CD36: variants seen among roughly 807,000 people sequenced by gnomAD.
CD36 encodes CD36 molecule (CD36 blood group), also known as platelet glycoprotein 4.
A neutral mutation model predicts 55.2 loss-of-function variants in CD36; 119 were observed. The ratio of observed to expected loss-of-function variants is 2.15; its 90% CI spans 1.86 to 2.51. CD36 has a LOEUF of 2.51. Among genes scored for constraint, CD36 ranks in the 30% most tolerant of loss-of-function variants. The pLI is 0.00. For synonymous variants in CD36, 186 were observed against 193.6 expected, an observed-to-expected ratio of 0.96 and a Z score of 0.33; for missense variants, 819 against 555.5, an observed-to-expected ratio of 1.47 and a Z score of -4.77.
chr7:80,656,074 T>C (rs1044686955), intron 3 of CD36, among the ~76,000 whole-genome samples: 5 of 152,136 alleles, frequency 3.3e-5, no homozygotes, highest in African/African-American at 1.2e-4. Flanking sequence ...AGTGTCCAAC[T>C]CTTGAAGGAA....
intron 3 of CD36, among the ~76,000 whole-genome samples, chr7:80,650,746 T>A (rs377687792): frequency 6.6e-6 from 1 of 152,104 alleles, no homozygotes; most frequent in African/African-American, 2.4e-5. Flanking sequence ...TCATTACCAT[T>A]TGAAGTAGTC....
At chr7:80,657,490 T>C (rs563238191) in intron 4 of CD36, among the ~76,000 whole-genome samples, 1 of 152,258 alleles carries the variant, frequency 6.6e-6, no homozygotes, top group South Asian at 2.1e-4. Flanking sequence ...AATCTTAGAG[T>C]ATTAGAACTA....
chr7:80,609,795 G>C (rs1348679695), intron 1 of CD36, among the ~76,000 whole-genome samples: 2 of 152,154 alleles, frequency 1.3e-5, no homozygotes, highest in Non-Finnish European at 2.9e-5. Context: ...ACATAATACA[G>C]TATTAGAGTC....
chr7:80,621,053 G>A (rs1229733634), intron 1 of CD36, among the ~76,000 whole-genome samples: 1 of 152,142 alleles, frequency 6.6e-6, no homozygotes, highest in East Asian at 1.9e-4. Context: ...AACTGCCACA[G>A]CAACCCTGAC....
intron 3 of CD36, among the ~76,000 whole-genome samples, chr7:80,648,130 T>C (rs1795310185): frequency 6.6e-6 from 1 of 152,046 alleles, no homozygotes. Flanking sequence ...ATTCTTAGTT[T>C]TCTTGATAGT....
At chr7:80,652,313 C>T (rs1177187592) in intron 3 of CD36, among the ~76,000 whole-genome samples, 1 of 152,030 alleles carries the variant, frequency 6.6e-6, no homozygotes, top group African/African-American at 2.4e-5. Flanking sequence ...CTTTTCATAC[C>T]ATTTTAGGTA....
chr7:80,656,650 G>C lies in CD36; in HGVS notation c.231G>C (p.Met77Ile). The C allele has an allele frequency of 6.2e-7, 1 of 1,613,814 alleles. No individual in the cohort carries two copies. ...IFDVQNPQEV[M>I]MNSSNIQVKQ... ...ATGTGCAAAATCCACAGGAAGTGAT[G>C]ATGAACAGCAGCAACATTCAAGTTA... is the stretch of plus-strand genomic sequence containing the variant. Residue 77 changes from methionine (M) to isoleucine (I), a missense_variant, in exon 4 of 15, where the codon ATG becomes ATC. Transcript: ENST00000447544.
intron 1 of CD36, among the ~76,000 whole-genome samples, chr7:80,624,529 T>C (rs564049535): frequency 1.8e-4 from 28 of 152,258 alleles, no homozygotes; most frequent in African/African-American, 6.7e-4. Context: ...ATCTAAGTGC[T>C]CCAATATACA....
At position 80,664,456 on chromosome 7, in the gene CD36, C is replaced by G; in HGVS notation, c.660C>G (p.Asn220Lys). 1 of 1,582,932 alleles carries G rather than the reference C, an allele frequency of 6.3e-7. No individual in the cohort carries two copies. The highest frequency in any genetic ancestry group is 8.7e-7 in the Non-Finnish European group (1 of 1,152,030). Residue 220 changes from asparagine to lysine, a missense_variant, in exon 7 of 15, where the codon AAC becomes AAG. Asn to Lys is a moderately conservative substitution (Grantham distance 94, BLOSUM62 0). Transcript: ENST00000447544. ...GVYKVFNGKDNISKVAIIDTY... is the reference protein window; with the variant it reads ...GVYKVFNGKDKISKVAIIDTY... ...ATAAAGTTTTCAATGGAAAAGATAACATAAGTAAAGTTGCCATAATCGACA... is the reference window on the plus strand; with the variant it reads ...ATAAAGTTTTCAATGGAAAAGATAAGATAAGTAAAGTTGCCATAATCGACA...
chr7:80,604,350 A>ATTTTTTTTTTTTTTTTTTTTTTTTTTT (rs67213422), intron 1 of CD36, among the ~76,000 whole-genome samples: 2 of 54,276 alleles, frequency 3.7e-5, no homozygotes, highest in African/African-American at 5.3e-5. Flanking sequence ...AGCCACTGGA[A>ATTTTTTTTTTTTTTTTTTTTTTTTTTT]TTTTTTTTTT....
chr7:80,669,514 G>A (rs548810069), intron 8 of CD36, among the ~76,000 whole-genome samples: 2 of 152,112 alleles, frequency 1.3e-5, no homozygotes, highest in East Asian at 1.9e-4. Flanking sequence ...TGCAGTATCC[G>A]CCTCCTGGGT....
chr7:80,615,094 T>C (rs930002311), intron 1 of CD36, among the ~76,000 whole-genome samples: 1 of 152,132 alleles, frequency 6.6e-6, no homozygotes, highest in East Asian at 1.9e-4. Context: ...TGCAAGCACA[T>C]TCCCGTTAAT....
At chr7:80,623,531 TTTTAA>T (rs1339162882) in intron 1 of CD36, among the ~76,000 whole-genome samples, 2 of 152,222 alleles carry the variant, frequency 1.3e-5, no homozygotes, top group Admixed American at 6.5e-5. Flanking sequence ...TTTATTTTTG[TTTTAA>T]TTTATTTGAT....
At chr7:80,645,299 T>C (rs1012727159) in intron 1 of CD36, among the ~76,000 whole-genome samples, 18 of 151,048 alleles carry the variant, frequency 1.2e-4, no homozygotes, top group East Asian at 4.1e-4. Context: ...GGATGACAGG[T>C]GTGAGCCACC....
At chr7:80,647,032 TTATAAG>T (rs1295643320) in intron 3 of CD36, 172 bp downstream of exon 3, 3 of 644,172 alleles carry the variant, frequency 4.7e-6, no homozygotes, top group Middle Eastern at 4.6e-4. Flanking sequence ...ATGTGAAATG[TTATAAG>T]TATAATGTAT....
upstream of CD36, among the ~76,000 whole-genome samples, chr7:80,634,151 A>C (rs2116160267): frequency 6.6e-6 from 1 of 152,168 alleles, no homozygotes; most frequent in South Asian, 2.1e-4. Context: ...GTGTGAACTC[A>C]GCTAGTCATC....
rs1299675549 is a variant in CD36 at position 80,654,663 on chromosome 7, T to C, written c.121-1877T>C. Among the ~76,000 whole-genome samples the C allele has an allele frequency of 2.0e-5, 3 of 152,118 alleles. No homozygotes were observed. In the East Asian group the frequency reaches 5.8e-4, roughly 29 times the overall value. On this transcript the variant is annotated intron_variant, in intron 3 of 14. Transcript: ENST00000447544. The stretch of plus-strand genomic sequence containing the variant: ...AAATAAAAAGTTTTTCAAGGACAAT[T>C]TGTTGTAAAAAGTAATAAAGATTCC...
At chr7:80,635,517 C>T (rs572890161), upstream of CD36, among the ~76,000 whole-genome samples, 3 of 152,064 alleles carry the variant, frequency 2.0e-5, no homozygotes, top group South Asian at 2.1e-4. Flanking sequence ...TCAAGTGATC[C>T]GCCCACCTCA....
chr7:80,618,256 A>C (rs1793272923), intron 1 of CD36, among the ~76,000 whole-genome samples: 1 of 152,108 alleles, frequency 6.6e-6, no homozygotes, highest in African/African-American at 2.4e-5. Flanking sequence ...GTGACACTTA[A>C]AGAGTGTTGT....
Sources: gnomAD v4.1 joint callset for allele counts (sites outside exome capture counted in the v4.1 genomes callset) on GRCh38, gnomAD v4.1.1 for gene constraint, MANE v1.5 for transcripts, NCBI Gene and HGNC (gene_info 2026-07-23, HGNC 2026-07-21) for gene names.